COPA: variants seen among roughly 807,000 people sequenced by gnomAD.
The protein encoded by COPA is coatomer subunit alpha.
A neutral mutation model predicts 158.7 loss-of-function variants in COPA; 10 were observed. The ratio of observed to expected loss-of-function variants is 0.06; its 90% CI spans 0.04 to 0.11. COPA has a LOEUF of 0.11. Among genes scored for constraint, COPA ranks in the 10% least tolerant of loss-of-function variants. COPA has a pLI of 1.00. For missense variants in COPA, 1,065 were observed against 1,536.7 expected, an observed-to-expected ratio of 0.69 and a Z score of 5.13; for synonymous variants, 462 against 542.8, an observed-to-expected ratio of 0.85 and a Z score of 2.07.
chr1:160,318,468 T>TAAAAAAAAAAAAAAAAAAAAAAAAAAAAA (rs71090307), intron 8 of COPA, among the ~76,000 whole-genome samples: 1 of 15,676 alleles, frequency 6.4e-5, no homozygotes, highest in Non-Finnish European at 1.3e-4. Context: ...ACAATATTTG[T>TAAAAAAAAAAAAAAAAAAAAAAAAAAAAA]AAAAAAAAAA....
rs111283205 is a variant in COPA, at chr1:160,326,910, C to A, written c.497-1258G>T. 6.0e-3 allele frequency among the ~76,000 whole-genome samples: 910 copies of A among 152,170 alleles called. 13 individuals carry two copies. Among genetic ancestry groups the A allele is most frequent in the African/African-American group, 0.021 (864 of 41,520 alleles). ...AATAATAGTCTTATTTGTAGAGGAC[C>A]CACATATATGGCTCAAGTAAATCTA... On this transcript the variant is annotated intron_variant, in intron 6 of 32. Coordinates refer to ENST00000241704, the MANE Select transcript of COPA (RefSeq NM_004371.4).
At chr1:160,306,184 G>A (rs932348364) in intron 15 of COPA, among the ~76,000 whole-genome samples, 170 bp downstream of exon 15, 2 of 152,172 alleles carry the variant, frequency 1.3e-5, no homozygotes, top group East Asian at 1.9e-4. Flanking sequence ...TAGTGTGGAC[G>A]TGAAGAATGG....
Position 160,294,553 on chromosome 1 carries a change from A to C in COPA, c.2607T>G (p.Ala869=). Residue 869 remains alanine (A), a synonymous_variant, in exon 25 of 33, where the codon GCT becomes GCG. Coordinates refer to ENST00000241704, the MANE Select transcript of COPA (RefSeq NM_004371.4). The stretch of plus-strand genomic sequence containing the variant: ...CTCCTTCTTCCTGTCCCTTGCCAAG[A>C]GCATCATCCCCCAAACCTTCTGTAG... ...VEATEGLGDD[A]LGKGQEEGGG... The C allele has an allele frequency of 6.2e-7, 1 of 1,614,204 alleles. No individual in the cohort carries two copies. The highest frequency in any genetic ancestry group is 8.5e-7 in the Non-Finnish European group (1 of 1,180,042).
At chr1:160,305,288 A>G in intron 17 of COPA, 145 bp downstream of exon 17, 1 of 677,484 alleles carries the variant, frequency 1.5e-6, no homozygotes, top group Non-Finnish European at 2.4e-6. Flanking sequence ...TGAAAAAAGA[A>G]TGTTCTGATG....
At chr1:160,321,040 TTCAATATACA>T (rs1390495722) in intron 8 of COPA, among the ~76,000 whole-genome samples, 1 of 152,104 alleles carries the variant, frequency 6.6e-6, no homozygotes, top group Non-Finnish European at 1.5e-5. Flanking sequence ...GCAAGAATGG[TTCAATATACA>T]TCAATAAACA....
chr1:160,313,202 TC>T (rs781735092), intron 9 of COPA, 35 bp from the exon 10 acceptor site: 1 of 1,580,684 alleles, frequency 6.3e-7, no homozygotes, highest in Non-Finnish European at 8.7e-7. Flanking sequence ...AACATTAATT[TC>T]CTAGGAATCT....
chr1:160,290,810 C>T, intron 31 of COPA, 124 bp from the exon 32 acceptor site: 2 of 850,834 alleles, frequency 2.4e-6, no homozygotes, highest in Non-Finnish European at 3.8e-6. Context: ...AAAAGAGGTC[C>T]CAACCTCTGT....
Position 160,295,838 on chromosome 1 carries a change from C to A in COPA, c.2374G>T (p.Ala792Ser). Reference sequence around the variant, plus strand: ...GGTGCAGGTGGCTGGAGCAGCTTGGCATTAGGGTCAATGTCTGGGATCTGA... The same window carrying A: ...GGTGCAGGTGGCTGGAGCAGCTTGGAATTAGGGTCAATGTCTGGGATCTGA... The part of the protein sequence containing the change: ...KETIPDIDPN[A>S]KLLQPPAPIM... The change falls in exon 23 of 33, where the codon GCC (alanine) becomes TCC (serine). Residue 792 changes from alanine to serine, a missense_variant. This residue lies in a region of COPA where 980 missense variants were observed against 1,357.8 expected (regional missense o/e 0.72). Coordinates refer to ENST00000241704, the MANE Select transcript of COPA (RefSeq NM_004371.4). The A allele has an allele frequency of 6.2e-7, 1 of 1,611,480 alleles. No homozygotes were observed. The highest frequency in any genetic ancestry group is 1.1e-5 in the South Asian group (1 of 90,506).
rs200237972 is a variant in COPA at position 160,343,210 on chromosome 1, G to A, written c.-40C>T. On this transcript the variant is annotated 5_prime_UTR_variant, in exon 1 of 33. Coordinates refer to ENST00000241704, the MANE Select transcript of COPA (RefSeq NM_004371.4). ...ACTCCGATGTCTTAATCCGAGCCCC[G>A]ACACACCCTGCTGCCCTTCGGACGC... The A allele has an allele frequency of 2.0e-5, 33 of 1,613,516 alleles. No homozygotes were observed. The highest frequency in any genetic ancestry group is 1.1e-4 in the East Asian group (5 of 44,876).
intron 6 of COPA, among the ~76,000 whole-genome samples, chr1:160,330,618 A>G (rs1647466353): frequency 1.3e-5 from 2 of 152,206 alleles, no homozygotes. Flanking sequence ...GCTGTATCTC[A>G]GAATCCAAAT....
At chr1:160,290,263 A>G in intron 32 of COPA, 47 bp from the exon 33 acceptor site, 3 of 1,604,736 alleles carry the variant, frequency 1.9e-6, no homozygotes, top group Non-Finnish European at 2.6e-6. Flanking sequence ...TGTAAGATTG[A>G]GAACCCTAGA....
At chr1:160,293,056 T>C in intron 27 of COPA, 110 bp downstream of exon 27, 1 of 1,098,168 alleles carries the variant, frequency 9.1e-7, no homozygotes, top group Non-Finnish European at 1.4e-6. Context: ...ATGAAAAATA[T>C]ACACCTTTCC....
intron 23 of COPA, 115 bp from the exon 24 acceptor site, chr1:160,294,972 T>G (rs1248021071): frequency 2.7e-6 from 2 of 749,270 alleles, no homozygotes; most frequent in African/African-American, 3.5e-5. Flanking sequence ...TCTGCCTACT[T>G]ACTATTTATT....
intron 8 of COPA, chr1:160,317,365 G>A: frequency 6.3e-7 from 1 of 1,591,882 alleles, no homozygotes; most frequent in Non-Finnish European, 8.6e-7. Flanking sequence ...CGAGGCCGCT[G>A]CTGTGCGGAG....
At chr1:160,302,732 T>C (rs1260770189) in intron 17 of COPA, among the ~76,000 whole-genome samples, 1 of 151,770 alleles carries the variant, frequency 6.6e-6, no homozygotes, top group Non-Finnish European at 1.5e-5. Context: ...CTTTTTGTAT[T>C]TTTAGTAGAG....
At chr1:160,297,788 G>A (rs951633341) in intron 19 of COPA, 43 bp from the exon 20 acceptor site, 10 of 1,592,874 alleles carry the variant, frequency 6.3e-6, no homozygotes, top group Non-Finnish European at 8.5e-6. Flanking sequence ...GAAGGACAAT[G>A]TGACTCAAAA....
chr1:160,328,302 C>T (rs74886937), intron 6 of COPA, among the ~76,000 whole-genome samples: 316 of 152,204 alleles, frequency 2.1e-3, no homozygotes, highest in African/African-American at 7.1e-3. Flanking sequence ...TCAACAAACA[C>T]ATTAAAAGGA....
chr1:160,324,960 G>A (rs192971455), intron 7 of COPA, among the ~76,000 whole-genome samples: 4 of 152,200 alleles, frequency 2.6e-5, no homozygotes, highest in Admixed American at 2.0e-4. Flanking sequence ...ATGATGCAGC[G>A]AAAAGCACCT....
intron 8 of COPA, chr1:160,317,641 G>C (rs993769224): frequency 2.0e-5 from 31 of 1,528,162 alleles, no homozygotes; most frequent in Non-Finnish European, 2.4e-5. Flanking sequence ...AAAAGAACTG[G>C]GAATGGAGGA....
Sources: gnomAD v4.1 joint callset for allele counts (sites outside exome capture counted in the v4.1 genomes callset) on GRCh38, gnomAD v4.1.1 for gene constraint, gnomAD v4.1.1 regional missense constraint, MANE v1.5 for transcripts, NCBI Gene and HGNC (gene_info 2026-07-23, HGNC 2026-07-21) for gene names.